The following SNRPD1 variants were observed in gnomAD, a reference collection of about 807,000 sequenced individuals.
The protein encoded by SNRPD1 is small nuclear ribonucleoprotein D1 polypeptide.
A neutral mutation model predicts 14.4 loss-of-function variants in SNRPD1; 1 was observed. The observed-to-expected ratio is 0.07, with a 90% CI of 0.02 to 0.33. SNRPD1 has a LOEUF of 0.33. Ranked by LOEUF, SNRPD1 falls within the 10% of genes least tolerant of loss-of-function variation. The probability of loss-of-function intolerance (pLI) is 1.00; values close to 1 mark genes in which losing one functional copy is unlikely to be tolerated. For missense variants in SNRPD1, 52 were observed against 146.4 expected (o/e 0.36, Z 3.33); for synonymous variants, 42 against 50.3 (o/e 0.83, Z 0.70).
rs2039082020 is a variant in SNRPD1, at chr18:21,631,378, G to A, written c.*2240G>A. 1 of 146,278 alleles carries A rather than the reference G, an allele frequency of 6.8e-6. No homozygotes were observed. The allele number at this position is 146,278 out of a possible 1,614,324, so 9.1% of individuals were successfully genotyped here. On this transcript the variant is annotated 3_prime_UTR_variant, in exon 4 of 4. Transcript: ENST00000300413. ...ATTCTTTAATAGTAAATATATTAAA[G>A]GTGAGTTGGCTTGACAAGATACAAC...
At chr18:21,619,359 T>A (rs1015832084) in intron 1 of SNRPD1, among the ~76,000 whole-genome samples, 1 of 152,054 alleles carries the variant, frequency 6.6e-6, no homozygotes, top group African/African-American at 2.4e-5. Flanking sequence ...TTTTTGTATT[T>A]TTAGCAGAGA....
intron 2 of SNRPD1, 114 bp from the exon 3 acceptor site, chr18:21,623,634 C>CTTTGT (rs1191029548): frequency 2.6e-6 from 2 of 765,060 alleles, no homozygotes; most frequent in African/African-American, 3.6e-5. Context: ...AAAACTTGCA[C>CTTTGT]TTTGTAGAAG....
At position 21,630,177 on chromosome 18, in the gene SNRPD1, G is replaced by A. The variant is rs1457019184; in HGVS notation, c.*1039G>A. On this transcript the variant is annotated 3_prime_UTR_variant, in exon 4 of 4. Transcript: ENST00000300413. ...TCTCCTATTAATGTGTAATGTACCT[G>A]TCAGTGCCTCCTTTATTAAGGGGTT... 6.6e-6 allele frequency: 1 copy of A among 152,174 alleles called. No individual in the cohort carries two copies. The highest frequency in any genetic ancestry group is 1.5e-5 in the Non-Finnish European group (1 of 68,040). The allele number at this position is 152,174 out of a possible 1,614,324, so 9.4% of individuals were successfully genotyped here.
intron 1 of SNRPD1, among the ~76,000 whole-genome samples, chr18:21,614,312 T>A (rs1251139735): frequency 6.6e-6 from 1 of 152,186 alleles, no homozygotes; most frequent in African/African-American, 2.4e-5. Flanking sequence ...TACCTGCCAA[T>A]CTGAATCTTA....
intron 1 of SNRPD1, among the ~76,000 whole-genome samples, chr18:21,620,349 C>T (rs2146258398): frequency 6.6e-6 from 1 of 152,242 alleles, no homozygotes; most frequent in Non-Finnish European, 1.5e-5. Context: ...GATCATCCCA[C>T]CTTGGCCTCT....
chr18:21,625,326 T>TTTTTTTTTTTTC (rs1309304058), intron 3 of SNRPD1, among the ~76,000 whole-genome samples: 2 of 142,408 alleles, frequency 1.4e-5, no homozygotes, highest in African/African-American at 5.6e-5. Context: ...ATTTTTTTTT[T>TTTTTTTTTTTTC]TTTTTTTGAG....
At chr18:21,617,087 C>G in intron 1 of SNRPD1, among the ~76,000 whole-genome samples, 1 of 151,968 alleles carries the variant, frequency 6.6e-6, no homozygotes, top group African/African-American at 2.4e-5. Context: ...GTATGGATTT[C>G]CAGTTATTCC....
chr18:21,620,371 A>T (rs1955140126), intron 1 of SNRPD1, among the ~76,000 whole-genome samples: 1 of 152,008 alleles, frequency 6.6e-6, no homozygotes, highest in Admixed American at 6.6e-5. Context: ...AAAGTGGTGA[A>T]ATTACAGGCA....
At chr18:21,620,176 C>T (rs2038987202) in intron 1 of SNRPD1, among the ~76,000 whole-genome samples, 1 of 152,054 alleles carries the variant, frequency 6.6e-6, no homozygotes, top group South Asian at 2.1e-4. Context: ...AGCTGGTCTC[C>T]AACTCCTGAC....
intron 3 of SNRPD1, 71 bp from the exon 4 acceptor site, chr18:21,628,991 G>A: frequency 8.9e-7 from 1 of 1,120,224 alleles, no homozygotes; most frequent in Admixed American, 1.7e-5. Flanking sequence ...GTGTGTAAAT[G>A]TTGTTTGTGG....
At position 21,612,340 on chromosome 18, in the gene SNRPD1, G is replaced by A. The variant is rs2038924156; in HGVS notation, c.-90G>A. ...TTGACGTCCGGAGCCCCTGGAGTAG[G>A]CGCTTCCGGCCATTCATACTGCAGT... On this transcript the variant is annotated 5_prime_UTR_variant, in exon 1 of 4. Coordinates refer to ENST00000300413, the MANE Select transcript of SNRPD1 (RefSeq NM_006938.4). The A allele has an allele frequency of 1.6e-5, 16 of 996,026 alleles. No homozygotes were observed. In the South Asian group the frequency reaches 3.2e-4, roughly 20 times the overall value. 61.7% of individuals were successfully genotyped at this position (996,026 alleles called of 1,614,324 possible).
chr18:21,616,529 T>C (rs2038958916), intron 1 of SNRPD1, among the ~76,000 whole-genome samples: 2 of 151,464 alleles, frequency 1.3e-5, no homozygotes, highest in South Asian at 4.2e-4. Flanking sequence ...GGCTAATTTT[T>C]GTATTTTTAG....
intron 1 of SNRPD1, among the ~76,000 whole-genome samples, chr18:21,615,461 C>T (rs2146255694): frequency 6.6e-6 from 1 of 151,848 alleles, no homozygotes; most frequent in African/African-American, 2.4e-5. Flanking sequence ...ACTAAAAATA[C>T]CAAAAAAGTA....
intron 1 of SNRPD1, among the ~76,000 whole-genome samples, chr18:21,612,743 CAT>C (rs530285425): frequency 1.5e-3 from 225 of 152,372 alleles, no homozygotes; most frequent in African/African-American, 5.2e-3. Flanking sequence ...TACAGTTACT[CAT>C]TTTCTTTTTG....
chr18:21,616,265 G>C (rs554608520), intron 1 of SNRPD1, among the ~76,000 whole-genome samples: 332 of 152,268 alleles, frequency 2.2e-3, no homozygotes, highest in Non-Finnish European at 3.6e-3. Context: ...GATTACTGGC[G>C]TGAGCCACTG....
At chr18:21,613,376 A>T (rs2038933939) in intron 1 of SNRPD1, among the ~76,000 whole-genome samples, 2 of 152,162 alleles carry the variant, frequency 1.3e-5, no homozygotes, top group African/African-American at 4.8e-5. Context: ...TGAGTCAAGG[A>T]TTGTCAATAT....
chr18:21,624,062 A>T (rs890400867), intron 3 of SNRPD1, 123 bp downstream of exon 3: 1 of 653,966 alleles, frequency 1.5e-6, no homozygotes, highest in Non-Finnish European at 2.6e-6. Flanking sequence ...TATAGTATGT[A>T]TAGTAATTCT....
At position 21,617,928 on chromosome 18, in the gene SNRPD1, C is replaced by G. The variant is rs1330439109; in HGVS notation, c.15-4797C>G. Among the ~76,000 whole-genome samples, 6 of 152,012 alleles carry G rather than the reference C, an allele frequency of 3.9e-5. No homozygotes were observed. The East Asian group carries it at 1.2e-3, about 29-fold the overall frequency. Reference sequence around the variant, plus strand: ...CGGGAGACGGAGGTTGCAATGAGCTCAGATTGAGATTGCGCTATTGCACTC... The same window carrying G: ...CGGGAGACGGAGGTTGCAATGAGCTGAGATTGAGATTGCGCTATTGCACTC... On this transcript the variant is annotated intron_variant, in intron 1 of 3. Coordinates refer to ENST00000300413, the MANE Select transcript of SNRPD1 (RefSeq NM_006938.4).
chr18:21,615,398 C>G (rs1249429897), intron 1 of SNRPD1, among the ~76,000 whole-genome samples: 2 of 151,996 alleles, frequency 1.3e-5, no homozygotes, highest in Non-Finnish European at 2.9e-5. Context: ...GGTAGATCAC[C>G]TGAGGTCAGG....
Sources: gnomAD v4.1 joint callset for allele counts (sites outside exome capture counted in the v4.1 genomes callset) on GRCh38, gnomAD v4.1.1 for gene constraint, MANE v1.5 for transcripts, NCBI Gene and HGNC (gene_info 2026-07-23, HGNC 2026-07-21) for gene names.